The following STK3 variants were observed in gnomAD, a reference collection of about 807,000 sequenced individuals.
The protein encoded by STK3 is serine/threonine kinase 3.
Under a neutral mutation model 58.0 loss-of-function variants are expected in STK3, and 41 were observed. That is an observed-to-expected ratio of 0.71 (90% CI 0.55 to 0.92). The LOEUF (loss-of-function observed/expected upper bound fraction) is 0.92. Ranked by LOEUF, STK3 falls within the 40% of genes least tolerant of loss-of-function variation. STK3 has a pLI of 0.00. For missense variants in STK3, 479 were observed against 602.7 expected (o/e 0.79, Z 2.15); for synonymous variants, 170 against 191.0 (o/e 0.89, Z 0.91).
At chr8:98,920,433 C>A (rs1839513045) in intron 1 of STK3, among the ~76,000 whole-genome samples, 1 of 152,226 alleles carries the variant, frequency 6.6e-6, no homozygotes, top group Admixed American at 6.5e-5. Context: ...ACACAGCTCT[C>A]CTGTCAGCCT....
chr8:98,850,100 T>G (rs1313585580), intron 3 of STK3, among the ~76,000 whole-genome samples: 1 of 152,228 alleles, frequency 6.6e-6, no homozygotes, highest in Non-Finnish European at 1.5e-5. Context: ...AGGTGAAGTC[T>G]ATAATTCACC....
At chr8:98,877,399 C>T (rs2131889201) in intron 3 of STK3, among the ~76,000 whole-genome samples, 1 of 152,268 alleles carries the variant, frequency 6.6e-6, no homozygotes, top group Non-Finnish European at 1.5e-5. Context: ...ATTGTTTAGA[C>T]TTTTCACTCC....
At chr8:98,764,228 C>T (rs1425187669) in intron 3 of STK3, among the ~76,000 whole-genome samples, 1 of 152,206 alleles carries the variant, frequency 6.6e-6, no homozygotes, top group Non-Finnish European at 1.5e-5. Context: ...ATTTCCTTCT[C>T]ATTGTATTCT....
chr8:98,702,897 T>A (rs1399803455), intron 6 of STK3, among the ~76,000 whole-genome samples: 2 of 152,248 alleles, frequency 1.3e-5, no homozygotes, highest in Non-Finnish European at 2.9e-5. Flanking sequence ...CATGTATATG[T>A]AGTAAATTGT....
At chr8:98,863,272 T>C (rs537482809) in intron 3 of STK3, among the ~76,000 whole-genome samples, 2 of 152,312 alleles carry the variant, frequency 1.3e-5, no homozygotes, top group South Asian at 4.1e-4. Flanking sequence ...CCTTTTTGTT[T>C]TATTTTCTTT....
downstream of STK3, among the ~76,000 whole-genome samples, chr8:98,397,299 T>C (rs1208004387): frequency 2.6e-5 from 4 of 152,048 alleles, no homozygotes; most frequent in African/African-American, 7.2e-5. Context: ...GAGGCCAAGG[T>C]GGGAGGATTG....
intron 3 of STK3, among the ~76,000 whole-genome samples, chr8:98,852,007 G>A (rs1425448594): frequency 2.6e-5 from 4 of 151,560 alleles, no homozygotes; most frequent in South Asian, 2.1e-4. Flanking sequence ...ATAAATAAAT[G>A]AAAAAGAAAA....
At position 98,804,158 on chromosome 8, in the gene STK3, C is replaced by T. The variant is rs539049658; in HGVS notation, c.26+21357G>A. 1.6e-4 allele frequency among the ~76,000 whole-genome samples: 24 copies of T among 152,152 alleles called. No homozygotes were observed. In the South Asian group the frequency reaches 2.3e-3, roughly 14 times the overall value. On this transcript the variant is annotated intron_variant, in intron 1 of 10. Coordinates refer to ENST00000419617, the MANE Select transcript of STK3 (RefSeq NM_006281.4). Reference sequence around the variant, plus strand: ...CTGGGATTACAGGTGTACACCACCACGCCTGGCTAATTTTTGTATTTTTAG... The same window carrying T: ...CTGGGATTACAGGTGTACACCACCATGCCTGGCTAATTTTTGTATTTTTAG...
intron 8 of STK3, among the ~76,000 whole-genome samples, chr8:98,560,231 G>A (rs1472143396): frequency 1.3e-5 from 2 of 151,992 alleles, no homozygotes; most frequent in African/African-American, 2.4e-5. Context: ...GGTCTAGTTA[G>A]TACAATAAGA....
intron 6 of STK3, among the ~76,000 whole-genome samples, chr8:98,652,607 C>T (rs962261882): frequency 1.4e-5 from 2 of 143,568 alleles, no homozygotes; most frequent in South Asian, 2.4e-4. Flanking sequence ...CAGAGACACA[C>T]ATAGGCTCAA....
intron 1 of STK3, among the ~76,000 whole-genome samples, chr8:98,918,512 GT>G (rs1839428690): frequency 1.3e-5 from 2 of 152,186 alleles, no homozygotes; most frequent in African/African-American, 2.4e-5. Context: ...GCTTATCCCT[GT>G]AATCCCAGCA....
At chr8:98,397,066 C>A (rs1326506834), downstream of STK3, among the ~76,000 whole-genome samples, 3 of 152,204 alleles carry the variant, frequency 2.0e-5, no homozygotes, top group Non-Finnish European at 2.9e-5. Flanking sequence ...GCTCCAGAGT[C>A]CACACTTTTA....
chr8:98,711,888 G>A (rs371827465), intron 4 of STK3, among the ~76,000 whole-genome samples: 47 of 152,150 alleles, frequency 3.1e-4, no homozygotes, highest in African/African-American at 9.6e-4. Flanking sequence ...CAGAGAGAAA[G>A]GTCGGGTTAC....
chr8:98,696,173 A>G (rs1364584876), intron 6 of STK3, among the ~76,000 whole-genome samples: 14 of 152,308 alleles, frequency 9.2e-5, no homozygotes, highest in Non-Finnish European at 4.4e-5. Context: ...TTATTGGTGT[A>G]TAAGAATGCT....
At chr8:98,579,888 G>C in intron 7 of STK3, 99 bp from the exon 8 acceptor site, 1 of 1,088,404 alleles carries the variant, frequency 9.2e-7, no homozygotes, top group African/African-American at 1.7e-5. Flanking sequence ...AGGATCACAG[G>C]CTTCAATGAT....
At chr8:98,351,899 C>T in the STK3 span, among the ~76,000 whole-genome samples, 1 of 152,134 alleles carries the variant, frequency 6.6e-6, no homozygotes, top group Non-Finnish European at 1.5e-5. Context: ...GTGCCTCACG[C>T]CTGTAATCCC....
At chr8:98,367,031 G>A (rs7831552), downstream of STK3, among the ~76,000 whole-genome samples, 72,658 of 151,992 alleles carry the variant, frequency 0.48, 17,653 homozygotes, top group Non-Finnish European at 0.51. Flanking sequence ...GTAGAGACTG[G>A]AACTCAGGTC....
chr8:98,727,412 C>T (rs1827864264), intron 4 of STK3, among the ~76,000 whole-genome samples: 1 of 152,216 alleles, frequency 6.6e-6, no homozygotes, highest in East Asian at 1.9e-4. Flanking sequence ...CACAAACTAA[C>T]TTTGCAATGA....
At chr8:98,559,578 G>A (rs1160215451) in intron 8 of STK3, among the ~76,000 whole-genome samples, 1 of 152,016 alleles carries the variant, frequency 6.6e-6, no homozygotes, top group Non-Finnish European at 1.5e-5. Context: ...TACCAACTGC[G>A]GAAAGCACTG....
Sources: allele counts gnomAD v4.1 joint callset (sites outside exome capture counted in the v4.1 genomes callset), GRCh38; gene constraint gnomAD v4.1.1; transcripts MANE v1.5; gene names NCBI Gene and HGNC (gene_info 2026-07-23, HGNC 2026-07-21).